MSR1: variants seen among roughly 807,000 people sequenced by gnomAD.
The protein encoded by MSR1 is macrophage scavenger receptor 1.
MSR1 carries 53 observed loss-of-function variants against 47.2 expected under a neutral mutation model. The ratio of observed to expected loss-of-function variants is 1.12; its 90% CI spans 0.90 to 1.41. MSR1 has a LOEUF of 1.41. Among genes scored for constraint, MSR1 ranks in the 40% most tolerant of loss-of-function variants. MSR1 has a pLI of 0.00. For synonymous variants in MSR1, 239 were observed against 185.6 expected, an observed-to-expected ratio of 1.29 and a Z score of -2.34; for missense variants, 786 against 546.9, an observed-to-expected ratio of 1.44 and a Z score of -4.36.
rs35053743 is a variant in MSR1, at chr8:16,121,719, T to C, written c.1034-1113A>G. Among the ~76,000 whole-genome samples, 1,422 of 151,844 alleles carry C rather than the reference T, an allele frequency of 9.4e-3. 25 individuals carry two copies. Among genetic ancestry groups the C allele is most frequent in the Non-Finnish European group, 0.012 (818 of 67,848 alleles). ...TAAACAAAAGATAGCTTTTCAAATA[T>C]AAGTTTGAGGAATGTTATATTATAA... On this transcript the variant is annotated intron_variant, in intron 8 of 9. Transcript: ENST00000262101.
In MSR1 at chr8:16,175,945, G is replaced by A. The variant is rs116364564; in HGVS notation, c.104-645C>T. 2.3e-3 allele frequency among the ~76,000 whole-genome samples: 351 copies of A among 152,194 alleles called. 2 individuals are homozygous for A. The highest frequency in any genetic ancestry group is 7.5e-3 in the African/African-American group (312 of 41,530). On this transcript the variant is annotated intron_variant, in intron 2 of 9. Coordinates refer to ENST00000262101, the MANE Select transcript of MSR1 (RefSeq NM_138715.3). Reference sequence around the variant, plus strand: ...AATAACAGTAACCTTTTATTCATATGCATTTATATGGCACTGTGATTTATA... The same window carrying A: ...AATAACAGTAACCTTTTATTCATATACATTTATATGGCACTGTGATTTATA...
chr8:16,109,753 C>G lies in MSR1; in HGVS notation c.*332G>C, dbSNP rs2117041189. The G allele has an allele frequency of 3.5e-6, 1 of 286,180 alleles. No homozygotes were observed. Among genetic ancestry groups the G allele is most frequent in the Middle Eastern group, 1.2e-3 (1 of 808 alleles). 17.7% of individuals were successfully genotyped at this position (286,180 alleles called of 1,614,324 possible). A position where few individuals can be genotyped will look rare whatever the true frequency, so the allele number is the denominator to read the frequency against. On this transcript the variant is annotated 3_prime_UTR_variant, in exon 10 of 10. Transcript: ENST00000262101. ...CAAAAAATTGTAATCTCCTGGTGAA[C>G]ATATTATGAATTGGAGCCAATTACT...
rs772831442 is a variant in MSR1 at position 16,168,440 on chromosome 8, C to A, written c.630+18G>T. On this transcript the variant is annotated intron_variant, in intron 4 of 9. Coordinates refer to ENST00000262101, the MANE Select transcript of MSR1 (RefSeq NM_138715.3). ...GATTCAGTTCCAGCAAGTGACCTTG[C>A]AGTCCACAAACTCTTACCTCTTGTT... 1 of 1,613,662 alleles carries A rather than the reference C, an allele frequency of 6.2e-7. No homozygotes were observed. The highest frequency in any genetic ancestry group is 1.1e-5 in the South Asian group (1 of 90,946).
Position 16,140,752 on chromosome 8 carries a change from G to A in MSR1, c.1033+2806C>T, listed in dbSNP as rs1330228581. 2.8e-6 allele frequency: 4 copies of A among 1,429,694 alleles called. No individual in the cohort carries two copies. In the East Asian group the frequency reaches 7.6e-5, roughly 27 times the overall value. 88.6% of individuals were successfully genotyped at this position (1,429,694 alleles called of 1,614,324 possible). A position where few individuals can be genotyped will look rare whatever the true frequency, so the allele number is the denominator to read the frequency against. ...TGCATGAGAGGTGTCCAGGCTGGGG[G>A]TGATAGGGGAGAGAGGTGATGGTGG... On this transcript the variant is annotated intron_variant, in intron 8 of 9. Transcript: ENST00000262101.
At chr8:16,127,717 C>T (rs1486555680) in intron 8 of MSR1, among the ~76,000 whole-genome samples, 1 of 152,148 alleles carries the variant, frequency 6.6e-6, no homozygotes, top group Non-Finnish European at 1.5e-5. Flanking sequence ...AGACTGAGTC[C>T]AAATGATTTA....
chr8:16,178,290 T>G (rs532803650), intron 1 of MSR1, among the ~76,000 whole-genome samples: 4 of 133,492 alleles, frequency 3.0e-5, no homozygotes, highest in African/African-American at 1.1e-4. Context: ...GTGTGTGACG[T>G]TCCCCTTCCT....
intron 8 of MSR1, among the ~76,000 whole-genome samples, chr8:16,137,602 C>A (rs1388325231): frequency 6.6e-6 from 1 of 152,096 alleles, no homozygotes; most frequent in African/African-American, 2.4e-5. Context: ...TTCTGTTCTT[C>A]CACTTATTAG....
chr8:16,161,318 C>G (rs542833226), intron 5 of MSR1, among the ~76,000 whole-genome samples: 11 of 151,820 alleles, frequency 7.2e-5, no homozygotes, highest in African/African-American at 2.4e-4. Context: ...AGACTGAAAA[C>G]GCAACAGATT....
intron 8 of MSR1, among the ~76,000 whole-genome samples, chr8:16,128,417 C>G (rs1800178277): frequency 6.6e-6 from 1 of 152,042 alleles, no homozygotes; most frequent in African/African-American, 2.4e-5. Flanking sequence ...GAGCTCAGTG[C>G]TCACACAGAA....
chr8:16,146,044 C>T (rs1800688205), intron 7 of MSR1, among the ~76,000 whole-genome samples: 1 of 152,070 alleles, frequency 6.6e-6, no homozygotes, highest in Admixed American at 6.6e-5. Context: ...TCAATAACAT[C>T]ATCATGATTT....
intron 8 of MSR1, among the ~76,000 whole-genome samples, chr8:16,135,076 A>G (rs1031517104): frequency 1.3e-5 from 2 of 152,186 alleles, no homozygotes; most frequent in African/African-American, 4.8e-5. Flanking sequence ...GTGGATATAG[A>G]AGCTTCAGAA....
chr8:16,138,681 A>G (rs1316861941), intron 8 of MSR1, among the ~76,000 whole-genome samples: 1 of 152,114 alleles, frequency 6.6e-6, no homozygotes, highest in African/African-American at 2.4e-5. Context: ...CTCATACTCT[A>G]CCTGACTTGC....
Position 16,129,224 on chromosome 8 carries a change from TA to T in MSR1, c.1034-8619del, listed in dbSNP as rs560169783. On this transcript the variant is annotated intron_variant, in intron 8 of 9. Transcript: ENST00000262101. ...GTCATTAGGAAATGGGTCATTTTGC[TA>T]AATAATTCACATTAGAATTCCTTTA... 5.1e-4 allele frequency among the ~76,000 whole-genome samples: 78 copies of T among 152,300 alleles called. 1 individual carries two copies. The East Asian group carries it at 0.011, about 21-fold the overall frequency.
intron 9 of MSR1, among the ~76,000 whole-genome samples, chr8:16,111,815 T>C (rs1799762042): frequency 6.6e-6 from 1 of 152,168 alleles, no homozygotes; most frequent in South Asian, 2.1e-4. Context: ...CATTTTACTG[T>C]TGAGGAAACT....
At chr8:16,160,637 T>G in intron 5 of MSR1, among the ~76,000 whole-genome samples, 1 of 151,904 alleles carries the variant, frequency 6.6e-6, no homozygotes, top group Non-Finnish European at 1.5e-5. Flanking sequence ...TGGGGGAGTT[T>G]AGAATAAGAA....
At chr8:16,130,755 G>C (rs1424195650) in intron 8 of MSR1, among the ~76,000 whole-genome samples, 2 of 151,844 alleles carry the variant, frequency 1.3e-5, no homozygotes, top group African/African-American at 4.8e-5. Context: ...GCTTGTGTGT[G>C]TGTTTGTAAG....
chr8:16,137,936 G>C (rs1019802785), intron 8 of MSR1, among the ~76,000 whole-genome samples: 1 of 151,582 alleles, frequency 6.6e-6, no homozygotes, highest in Non-Finnish European at 1.5e-5. Context: ...AAGCTGCAGG[G>C]AGCTATGGTC....
chr8:16,148,623 G>C (rs1018269528), intron 7 of MSR1, among the ~76,000 whole-genome samples: 9 of 151,794 alleles, frequency 5.9e-5, no homozygotes. Flanking sequence ...TGTATCTTTT[G>C]GTAGAGACAC....
intron 9 of MSR1, among the ~76,000 whole-genome samples, chr8:16,114,199 G>T (rs1799825036): frequency 2.0e-5 from 3 of 149,668 alleles, no homozygotes; most frequent in Admixed American, 1.4e-4. Flanking sequence ...GTATAGAGGT[G>T]CATTTTTTGA....
Sources: allele counts gnomAD v4.1 joint callset (sites outside exome capture counted in the v4.1 genomes callset), GRCh38; gene constraint gnomAD v4.1.1; transcripts MANE v1.5; gene names NCBI Gene and HGNC (gene_info 2026-07-23, HGNC 2026-07-21).